ACYP2: variants seen among roughly 807,000 people sequenced by gnomAD.
The protein encoded by ACYP2 is acylphosphatase 2.
Under a neutral mutation model 11.2 loss-of-function variants are expected in ACYP2, and 12 were observed. The observed-to-expected ratio is 1.08, with a 90% CI of 0.69 to 1.74. ACYP2 has a LOEUF of 1.74. Among genes scored for constraint, ACYP2 ranks in the 40% most tolerant of loss-of-function variants. ACYP2 has a pLI of 0.00. For missense variants in ACYP2, 134 were observed against 101.9 expected (o/e 1.31, Z -1.35); for synonymous variants, 43 against 32.2 (o/e 1.33, Z -1.13).
intron 2 of ACYP2, among the ~76,000 whole-genome samples, chr2:53,993,964 T>C (rs1187541644): frequency 6.6e-6 from 1 of 152,056 alleles, no homozygotes; most frequent in African/African-American, 2.4e-5. Flanking sequence ...GGAGGGTGGA[T>C]CACCAGGTCA....
intron 6 of ACYP2, among the ~76,000 whole-genome samples, chr2:54,174,759 C>CT (rs1683365710): frequency 6.6e-6 from 1 of 152,046 alleles, no homozygotes; most frequent in African/African-American, 2.4e-5. Flanking sequence ...TGTCAAAGGC[C>CT]TTTTCTGCAT....
In ACYP2 at chr2:54,051,011, T is replaced by TAG; in HGVS notation, c.117_118insGA (p.Ser40AspfsTer29). 2.2e-6 allele frequency: 1 copy of TAG among 456,122 alleles called. No homozygotes were observed. The highest frequency in any genetic ancestry group is 3.8e-6 in the Non-Finnish European group (1 of 261,230). The allele number at this position is 456,122 out of a possible 1,614,324, so 28.3% of individuals were successfully genotyped here. On this transcript the variant is annotated frameshift_variant, in exon 3 of 7. Transcript: ENST00000607452. LOFTEE classifies it high-confidence loss of function. ...TGTTCTAGAACTCCTAATGTCAAGC[T>TAG]ATCCTCCTGCCTCGGCCTCCCATGC...
intron 6 of ACYP2, among the ~76,000 whole-genome samples, chr2:54,236,234 C>G (rs1412704784): frequency 6.6e-6 from 1 of 152,076 alleles, no homozygotes; most frequent in Non-Finnish European, 1.5e-5. Context: ...AGCCACTGTG[C>G]CCAGCCTATT....
chr2:54,008,136 A>G (rs560141019), intron 2 of ACYP2, among the ~76,000 whole-genome samples: 65 of 152,298 alleles, frequency 4.3e-4, no homozygotes, highest in African/African-American at 1.5e-3. Flanking sequence ...GTCCCTCCCT[A>G]TGGTTAGACT....
At chr2:54,011,646 C>G (rs1673378965) in intron 2 of ACYP2, among the ~76,000 whole-genome samples, 2 of 152,146 alleles carry the variant, frequency 1.3e-5, no homozygotes, top group African/African-American at 4.8e-5. Flanking sequence ...TAGCAATAAG[C>G]TTTTCTATTA....
intron 6 of ACYP2, among the ~76,000 whole-genome samples, chr2:54,209,538 A>G (rs1345566361): frequency 6.6e-6 from 1 of 152,242 alleles, no homozygotes; most frequent in African/African-American, 2.4e-5. Flanking sequence ...GGACCAGACT[A>G]GAATAAGCTG....
At chr2:54,085,702 G>A (rs1212069572) in intron 4 of ACYP2, among the ~76,000 whole-genome samples, 1 of 152,102 alleles carries the variant, frequency 6.6e-6, no homozygotes, top group Non-Finnish European at 1.5e-5. Flanking sequence ...TACTGTGTAT[G>A]GAAAAAGAGA....
chr2:54,182,749 G>A (rs1230271589), intron 6 of ACYP2, among the ~76,000 whole-genome samples: 1 of 152,206 alleles, frequency 6.6e-6, no homozygotes, highest in Non-Finnish European at 1.5e-5. Flanking sequence ...GAGACTCCTT[G>A]AATTTAGAAC....
At chr2:54,212,349 T>G (rs1558617103) in intron 6 of ACYP2, among the ~76,000 whole-genome samples, 2 of 152,240 alleles carry the variant, frequency 1.3e-5, no homozygotes, top group Non-Finnish European at 2.9e-5. Context: ...ACATATCAAA[T>G]TGCACATAGA....
intron 4 of ACYP2, among the ~76,000 whole-genome samples, chr2:54,077,079 C>T (rs1241798932): frequency 6.6e-6 from 1 of 152,164 alleles, no homozygotes; most frequent in Admixed American, 6.5e-5. Flanking sequence ...CCTACCCTCA[C>T]TTTGAGTTAC....
intron 2 of ACYP2, chr2:54,029,485 T>C: frequency 2.7e-6 from 1 of 365,344 alleles, no homozygotes; most frequent in Non-Finnish European, 5.2e-6. Context: ...ATATGTATTA[T>C]GCATGAATTC....
intron 2 of ACYP2, among the ~76,000 whole-genome samples, chr2:54,034,173 C>G (rs1674745701): frequency 6.6e-6 from 1 of 152,166 alleles, no homozygotes; most frequent in African/African-American, 2.4e-5. Flanking sequence ...GCCTGGCCAA[C>G]ATGGTGAAAC....
intron 6 of ACYP2, among the ~76,000 whole-genome samples, chr2:54,200,959 G>A (rs1203628428): frequency 1.3e-5 from 2 of 152,148 alleles, no homozygotes; most frequent in Admixed American, 1.3e-4. Context: ...AGAGTGGTAA[G>A]TGGTATCTCA....
At chr2:54,102,618 C>T (rs1678953671) in intron 4 of ACYP2, among the ~76,000 whole-genome samples, 2 of 96,734 alleles carry the variant, frequency 2.1e-5, no homozygotes, top group Non-Finnish European at 1.9e-5. Flanking sequence ...GATAGAAACC[C>T]AATTTAAGCT....
intron 6 of ACYP2, among the ~76,000 whole-genome samples, chr2:54,191,120 G>C (rs1200491790): frequency 1.3e-5 from 2 of 152,028 alleles, no homozygotes; most frequent in Non-Finnish European, 2.9e-5. Flanking sequence ...TGCAGTAGCT[G>C]TAAGACTCAG....
intron 2 of ACYP2, among the ~76,000 whole-genome samples, chr2:54,039,528 G>C (rs578218532): frequency 5.9e-5 from 9 of 152,056 alleles, no homozygotes; most frequent in Non-Finnish European, 1.0e-4. Flanking sequence ...CTGAGCTCAA[G>C]CAATCCACTC....
intron 2 of ACYP2, among the ~76,000 whole-genome samples, chr2:53,980,995 A>G (rs2104510135): frequency 6.6e-6 from 1 of 151,974 alleles, no homozygotes; most frequent in Middle Eastern, 3.4e-3. Flanking sequence ...CATACCATTC[A>G]CCCACCTCCA....
chr2:53,985,049 A>G (rs1671963691), intron 2 of ACYP2, among the ~76,000 whole-genome samples: 1 of 151,622 alleles, frequency 6.6e-6, no homozygotes, highest in Non-Finnish European at 1.5e-5. Flanking sequence ...TCAGTGGCTT[A>G]GGATTTAGCA....
At chr2:54,230,816 ATTTC>A (rs1686202438) in intron 6 of ACYP2, among the ~76,000 whole-genome samples, 3 of 139,870 alleles carry the variant, frequency 2.1e-5, no homozygotes, top group South Asian at 2.3e-4. Flanking sequence ...AAACCAATGT[ATTTC>A]TTTCTTTTCT....
Sources: gnomAD v4.1 joint callset for allele counts (sites outside exome capture counted in the v4.1 genomes callset) on GRCh38, gnomAD v4.1.1 for gene constraint, MANE v1.5 for transcripts, NCBI Gene and HGNC (gene_info 2026-07-23, HGNC 2026-07-21) for gene names.